The following OR2M3 variants were observed in gnomAD, a reference collection of about 807,000 sequenced individuals.
OR2M3 encodes olfactory receptor family 2 subfamily M member 3.
A neutral mutation model predicts 4.3 loss-of-function variants in OR2M3; 1 was observed. That is an observed-to-expected ratio of 0.23 (90% CI 0.08 to 1.11). OR2M3 has a LOEUF of 1.11. Ranked by LOEUF, OR2M3 falls within the 50% of genes most tolerant of loss-of-function variation. The pLI, the probability that OR2M3 is intolerant of heterozygous loss-of-function variation, is 0.54. For synonymous variants in OR2M3, 151 were observed against 139.4 expected (o/e 1.08, Z -0.59); for missense variants, 410 against 390.4 (o/e 1.05, Z -0.42).
chr1:248,200,639 T>A (rs1259631060), intron 1 of OR2M3, among the ~76,000 whole-genome samples: 1 of 152,290 alleles, frequency 6.6e-6, no homozygotes, highest in Admixed American at 6.5e-5. Flanking sequence ...TAGAGATTGC[T>A]ATCCTATCTC....
Position 248,203,501 on chromosome 1 carries a change from C to G in OR2M3, c.434C>G (p.Thr145Ser). Residue 145 changes from threonine to serine, a missense_variant, in exon 2 of 2, where the codon ACT becomes AGT. Transcript: ENST00000641626. The part of the protein sequence containing the change: ...LMSPKICGLM[T>S]AFSWILGSTD... ...AGCCCTAAAATTTGTGGACTTATGA[C>G]TGCCTTTTCCTGGATCCTGGGCTCT... 1 of 1,613,826 alleles carries G rather than the reference C, an allele frequency of 6.2e-7. No individual in the cohort carries two copies. Among genetic ancestry groups the G allele is most frequent in the African/African-American group, 1.3e-5 (1 of 74,970 alleles).
chr1:248,203,208 C>G lies in OR2M3; in HGVS notation c.141C>G (p.Leu47=), dbSNP rs1019931646. 1.9e-6 allele frequency: 3 copies of G among 1,613,810 alleles called. No individual in the cohort carries two copies. The highest frequency in any genetic ancestry group is 1.7e-6 in the Non-Finnish European group (2 of 1,179,956). Residue 47 remains leucine, a synonymous_variant, in exon 2 of 2, where the codon CTC becomes CTG. Transcript: ENST00000641626. The stretch of plus-strand genomic sequence containing the variant: ...TCATGGGAAACTCTGTCATGGTTCT[C>G]CTCATCTACCTGGACACCCAGCTCC... ...VAFMGNSVMV[L]LIYLDTQLHT... is the part of the protein sequence containing the mutation.
chr1:248,204,014 A>G lies in OR2M3; in HGVS notation c.*8A>G, dbSNP rs758983097. ...GGCAAGTCTGGAGAGTGAGTTACCT[A>G]ATAAACTTCATGTTTTGCTGTGTGC... On this transcript the variant is annotated 3_prime_UTR_variant, in exon 2 of 2. Coordinates refer to ENST00000641626, the MANE Select transcript of OR2M3 (RefSeq NM_001004689.2). 2.5e-6 allele frequency: 4 copies of G among 1,613,344 alleles called. No individual in the cohort carries two copies. The Admixed American group carries it at 6.7e-5, about 27-fold the overall frequency.
chr1:248,202,301 G>A (rs12048030), intron 1 of OR2M3, among the ~76,000 whole-genome samples: 78,871 of 151,716 alleles, frequency 0.52, 21,625 homozygotes, highest in Non-Finnish European at 0.62. Flanking sequence ...CTCAGTCTTT[G>A]CATGGCCACC....
In OR2M3 at chr1:248,203,516, T is replaced by A; in HGVS notation, c.449T>A (p.Ile150Asn). The change falls in exon 2 of 2, where the codon ATC becomes AAC. Residue 150 changes from isoleucine (I) to asparagine (N), a missense_variant. By Grantham distance (149) the Ile-to-Asn change is moderately radical (BLOSUM62 -3). Coordinates refer to ENST00000641626, the MANE Select transcript of OR2M3 (RefSeq NM_001004689.2). ...ICGLMTAFSW[I>N]LGSTDGIIDV... ...GGACTTATGACTGCCTTTTCCTGGA[T>A]CCTGGGCTCTACGGATGGAATTATT... The A allele has an allele frequency of 6.2e-7, 1 of 1,613,836 alleles. No homozygotes were observed. The highest frequency in any genetic ancestry group is 1.1e-5 in the South Asian group (1 of 91,064).
intron 1 of OR2M3, among the ~76,000 whole-genome samples, chr1:248,200,824 A>T (rs1329368506): frequency 6.6e-6 from 1 of 152,128 alleles, no homozygotes; most frequent in East Asian, 1.9e-4. Context: ...TCAAAAAGAT[A>T]TACTTTACTA....
Position 248,203,712 on chromosome 1 carries a change from T to C in OR2M3, c.645T>C (p.Ile215=), listed in dbSNP as rs150648261. Residue 215 remains isoleucine (I), a synonymous_variant, in exon 2 of 2, where the codon ATT becomes ATC. Coordinates refer to ENST00000641626, the MANE Select transcript of OR2M3 (RefSeq NM_001004689.2). ...TTGTTTTCCCTGTTGCAATCATCAT[T>C]GCTTCCTATGCTCGAGTTATCCTGG... The part of the protein sequence containing the change: ...VMIVFPVAII[I]ASYARVILAV... The C allele has an allele frequency of 5.3e-3, 8,480 of 1,612,758 alleles. 195 individuals carry two copies. The East Asian group carries it at 0.057, about 11-fold the overall frequency.
chr1:248,197,942 G>T (rs956951818), intron 1 of OR2M3, among the ~76,000 whole-genome samples: 15 of 151,930 alleles, frequency 9.9e-5, no homozygotes, highest in Admixed American at 7.2e-4. Flanking sequence ...TATTAGCTAT[G>T]CAGATATTCC....
rs1558252797 is a variant in OR2M3 at position 248,203,295 on chromosome 1, C to T, written c.228C>T (p.Thr76=). 1.2e-6 allele frequency: 2 copies of T among 1,614,102 alleles called. No homozygotes were observed. The highest frequency in any genetic ancestry group is 1.7e-5 in the Admixed American group (1 of 59,994). Residue 76 remains threonine (T), a synonymous_variant, in exon 2 of 2, where the codon ACC becomes ACT. Transcript: ENST00000641626. ...LSLMDLMLIC[T]TVPKMAFNYL... ...TCATGGACCTCATGCTCATCTGCAC[C>T]ACCGTACCCAAGATGGCCTTCAACT...
Position 248,204,325 on chromosome 1 carries a change from TTTTG to T in OR2M3, c.*320_*323del. 4.6e-6 allele frequency: 1 copy of T among 215,314 alleles called. No homozygotes were observed. Among genetic ancestry groups the T allele is most frequent in the East Asian group, 1.3e-4 (1 of 7,854 alleles). The allele number at this position is 215,314 out of a possible 1,614,324, so 13.3% of individuals were successfully genotyped here. A position where few individuals can be genotyped will look rare whatever the true frequency, so the allele number is the denominator to read the frequency against. ...AGTTCTTTAGTGATGATTTCTGAGA[TTTTG>T]GTGCACCCATCACCCAAGCAGTATT... is the stretch of plus-strand genomic sequence containing the variant. On this transcript the variant is annotated 3_prime_UTR_variant, in exon 2 of 2. Coordinates refer to ENST00000641626, the MANE Select transcript of OR2M3 (RefSeq NM_001004689.2).
At chr1:248,197,494 G>A (rs1666109715) in intron 1 of OR2M3, among the ~76,000 whole-genome samples, 193 bp downstream of exon 1, 1 of 152,124 alleles carries the variant, frequency 6.6e-6, no homozygotes, top group Non-Finnish European at 1.5e-5. Context: ...GAGGCAGAAG[G>A]AGTGGTTACT....
rs775455561 is a variant in OR2M3 at position 248,203,165 on chromosome 1, C to A, written c.98C>A (p.Ala33Asp). The A allele has an allele frequency of 1.9e-5, 31 of 1,613,902 alleles. No homozygotes were observed. Among genetic ancestry groups the A allele is most frequent in the Non-Finnish European group, 2.6e-5 (31 of 1,179,992 alleles). Reference sequence around the variant, plus strand: ...ACCTTCCTCTTCTTTCTGGTCCTGGCCATCTTTTCAGTGGCCTTCATGGGA... The same window carrying A: ...ACCTTCCTCTTCTTTCTGGTCCTGGACATCTTTTCAGTGGCCTTCATGGGA... ...THTFLFFLVLAIFSVAFMGNS... is the reference protein window; with the variant it reads ...THTFLFFLVLDIFSVAFMGNS... Residue 33 changes from alanine (A) to aspartate (D), a missense_variant, in exon 2 of 2, where the codon GCC becomes GAC. Physicochemically the swap from Ala to Asp is moderately radical, Grantham distance 126. Coordinates refer to ENST00000641626, the MANE Select transcript of OR2M3 (RefSeq NM_001004689.2).
intron 1 of OR2M3, among the ~76,000 whole-genome samples, chr1:248,200,439 C>A (rs1461646010): frequency 2.6e-5 from 4 of 152,092 alleles, no homozygotes; most frequent in Non-Finnish European, 4.4e-5. Context: ...TGGTAGGAAA[C>A]CCCCAACACT....
At chr1:248,201,924 A>G (rs1666161866) in intron 1 of OR2M3, among the ~76,000 whole-genome samples, 1 of 152,134 alleles carries the variant, frequency 6.6e-6, no homozygotes, top group African/African-American at 2.4e-5. Context: ...ACAGTGGTCA[A>G]CACGTAGCCA....
At position 248,203,581 on chromosome 1, in the gene OR2M3, C is replaced by T. The variant is rs777056408; in HGVS notation, c.514C>T (p.Arg172Trp). ...ATFSFSYCGS[R>W]EIAHFFCDFP... is the part of the protein sequence containing the mutation. Reference sequence around the variant, plus strand: ...ATTTTCCTTCTCCTACTGTGGGTCTCGGGAAATAGCCCACTTCTTCTGTGA... The same window carrying T: ...ATTTTCCTTCTCCTACTGTGGGTCTTGGGAAATAGCCCACTTCTTCTGTGA... The change falls in exon 2 of 2, where the codon CGG becomes TGG. Residue 172 changes from arginine to tryptophan, a missense_variant. Arg to Trp is a moderately radical substitution (Grantham distance 101). Coordinates refer to ENST00000641626, the MANE Select transcript of OR2M3 (RefSeq NM_001004689.2). The T allele has an allele frequency of 2.0e-5, 32 of 1,613,656 alleles. No individual in the cohort carries two copies. The highest frequency in any genetic ancestry group is 2.5e-5 in the Non-Finnish European group (30 of 1,179,816).
In OR2M3 at chr1:248,203,228, A is replaced by G. The variant is rs1476294024; in HGVS notation, c.161A>G (p.Gln54Arg). The G allele has an allele frequency of 2.5e-6, 4 of 1,613,866 alleles. No individual in the cohort carries two copies. Among genetic ancestry groups the G allele is most frequent in the Non-Finnish European group, 3.4e-6 (4 of 1,179,978 alleles). ...VMVLLIYLDT[Q>R]LHTPMYLLLS... Reference sequence around the variant, plus strand: ...GTTCTCCTCATCTACCTGGACACCCAGCTCCACACCCCCATGTACCTCCTC... The same window carrying G: ...GTTCTCCTCATCTACCTGGACACCCGGCTCCACACCCCCATGTACCTCCTC... The change falls in exon 2 of 2, where the codon CAG becomes CGG. Residue 54 changes from glutamine to arginine, a missense_variant. Coordinates refer to ENST00000641626, the MANE Select transcript of OR2M3 (RefSeq NM_001004689.2).
At position 248,208,070 on chromosome 1, in the gene OR2M3, T is replaced by C. The variant is rs562963909; in HGVS notation, c.*4064T>C. ...TTTATCATTACAAAATGTCCCTCTT[T>C]GTCTTTTTTTAACTGCTCTTGCTTT... On this transcript the variant is annotated 3_prime_UTR_variant, in exon 2 of 2. Coordinates refer to ENST00000641626, the MANE Select transcript of OR2M3 (RefSeq NM_001004689.2). 1.5e-3 allele frequency: 224 copies of C among 152,296 alleles called. No individual in the cohort carries two copies. The highest frequency in any genetic ancestry group is 5.2e-3 in the African/African-American group (218 of 41,560). 9.4% of individuals were successfully genotyped at this position (152,296 alleles called of 1,614,324 possible).
chr1:248,201,492 TG>T (rs1021544434), intron 1 of OR2M3, among the ~76,000 whole-genome samples: 2 of 152,080 alleles, frequency 1.3e-5, no homozygotes, highest in Non-Finnish European at 1.5e-5. Context: ...ATGTGCACAA[TG>T]TGCAGGTTAG....
At position 248,203,838 on chromosome 1, in the gene OR2M3, C is replaced by G. The variant is rs766167351; in HGVS notation, c.771C>G (p.Phe257Leu). 2 of 1,613,592 alleles carry G rather than the reference C, an allele frequency of 1.2e-6. No individual in the cohort carries two copies. Among genetic ancestry groups the G allele is most frequent in the Admixed American group, 3.3e-5 (2 of 59,974 alleles). Residue 257 changes from phenylalanine to leucine, a missense_variant, in exon 2 of 2, where the codon TTC (phenylalanine) becomes TTG (leucine). By Grantham distance (22) the Phe-to-Leu change is conservative. Transcript: ENST00000641626. ...GAATGTACTATGGAGCAGCTTTGTT[C>G]ATGTACATACGGCCCACATCTGATC... ...VVGMYYGAALFMYIRPTSDRS... is the reference protein window; with the variant it reads ...VVGMYYGAALLMYIRPTSDRS...
Sources: allele counts gnomAD v4.1 joint callset (sites outside exome capture counted in the v4.1 genomes callset), GRCh38; gene constraint gnomAD v4.1.1; transcripts MANE v1.5; gene names NCBI Gene and HGNC (gene_info 2026-07-23, HGNC 2026-07-21).